Variants in TAFA1 observed in about 807,000 individuals in gnomAD.
The protein encoded by TAFA1 is TAFA chemokine like family member 1.
TAFA1 carries 4 observed loss-of-function variants against 18.5 expected under a neutral mutation model. The ratio of observed to expected loss-of-function variants is 0.22; its 90% CI spans 0.11 to 0.49. TAFA1 has a LOEUF of 0.49. Among genes scored for constraint, TAFA1 ranks in the 20% least tolerant of loss-of-function variants. TAFA1 has a pLI of 0.98. For missense variants in TAFA1, 147 were observed against 169.0 expected (o/e 0.87, Z 0.72); for synonymous variants, 56 against 55.2 (o/e 1.01, Z -0.06).
At chr3:68,260,136 T>G (rs1013170918) in intron 2 of TAFA1, among the ~76,000 whole-genome samples, 7 of 152,194 alleles carry the variant, frequency 4.6e-5, no homozygotes, top group Non-Finnish European at 8.8e-5. Flanking sequence ...TATTGAGAGT[T>G]TTTAGCATGA....
intron 2 of TAFA1, among the ~76,000 whole-genome samples, chr3:68,205,246 G>C (rs1009041060): frequency 6.6e-6 from 1 of 151,808 alleles, no homozygotes; most frequent in East Asian, 1.9e-4. Context: ...ACTCTTAGTC[G>C]ATAAACCCAT....
chr3:68,509,565 G>T (rs920635761), intron 3 of TAFA1, among the ~76,000 whole-genome samples: 1 of 152,080 alleles, frequency 6.6e-6, no homozygotes, highest in African/African-American at 2.4e-5. Context: ...ATGCTTATGG[G>T]CAAGGACTAG....
intron 3 of TAFA1, among the ~76,000 whole-genome samples, chr3:68,427,244 T>C (rs1317205578): frequency 1.3e-5 from 2 of 151,954 alleles, no homozygotes; most frequent in South Asian, 2.1e-4. Context: ...TCTGATATGA[T>C]AGCACTTTTC....
At chr3:68,217,764 G>C (rs868765756) in intron 2 of TAFA1, among the ~76,000 whole-genome samples, 1 of 151,696 alleles carries the variant, frequency 6.6e-6, no homozygotes, top group Non-Finnish European at 1.5e-5. Context: ...TTAAGATAAC[G>C]TGTTTTTCAA....
intron 2 of TAFA1, among the ~76,000 whole-genome samples, chr3:68,333,138 A>C (rs2068910476): frequency 6.6e-6 from 1 of 152,184 alleles, no homozygotes; most frequent in Non-Finnish European, 1.5e-5. Context: ...TAGACTCAGA[A>C]ATCCTATTCT....
chr3:68,268,601 G>GGT, intron 2 of TAFA1, among the ~76,000 whole-genome samples: 1 of 152,140 alleles, frequency 6.6e-6, no homozygotes, highest in African/African-American at 2.4e-5. Context: ...AAGAATGGAT[G>GGT]AATAGTGGGT....
intron 2 of TAFA1, among the ~76,000 whole-genome samples, chr3:68,407,135 A>G: frequency 6.6e-6 from 1 of 152,148 alleles, no homozygotes; most frequent in Non-Finnish European, 1.5e-5. Context: ...GGAGTAGTCC[A>G]TACTGGTGAA....
intron 3 of TAFA1, among the ~76,000 whole-genome samples, chr3:68,481,421 C>A (rs183325673): frequency 6.6e-6 from 1 of 152,130 alleles, no homozygotes; most frequent in East Asian, 1.9e-4. Context: ...CTAATACAGA[C>A]CTTCATTCTC....
intron 2 of TAFA1, among the ~76,000 whole-genome samples, chr3:68,229,388 A>G (rs1201842959): frequency 6.6e-6 from 1 of 152,232 alleles, no homozygotes; most frequent in Non-Finnish European, 1.5e-5. Flanking sequence ...AACAGAAAAA[A>G]TACCTGCTGC....
chr3:68,322,514 A>G (rs937521288), intron 2 of TAFA1, among the ~76,000 whole-genome samples: 1 of 152,108 alleles, frequency 6.6e-6, no homozygotes. Context: ...GTCTTGCCCA[A>G]CCAAGTTTAG....
intron 2 of TAFA1, among the ~76,000 whole-genome samples, chr3:68,375,851 T>C (rs1388871230): frequency 6.6e-6 from 1 of 152,158 alleles, no homozygotes; most frequent in Non-Finnish European, 1.5e-5. Context: ...TAATATACAA[T>C]GGAGGGGAAA....
At chr3:68,375,402 G>A (rs1012152104) in intron 2 of TAFA1, among the ~76,000 whole-genome samples, 5 of 152,004 alleles carry the variant, frequency 3.3e-5, no homozygotes, top group Non-Finnish European at 4.4e-5. Flanking sequence ...AAGCATATTC[G>A]GAGTCATTCA....
rs1177754145 is a variant in TAFA1, at chr3:68,165,179, T to A, written c.118+158435T>A. On this transcript the variant is annotated intron_variant, in intron 2 of 4. Transcript: ENST00000478136. ...GCTGGAATTTTAGAATCTCACCTTC[T>A]ATCTGATGAGTGACTCTCTGTATCA... Among the ~76,000 whole-genome samples the A allele has an allele frequency of 2.0e-5, 3 of 152,234 alleles. No individual in the cohort carries two copies. In the East Asian group the frequency reaches 5.8e-4, roughly 29 times the overall value.
chr3:67,993,469 A>G, the TAFA1 span, among the ~76,000 whole-genome samples: 5 of 152,226 alleles, frequency 3.3e-5, no homozygotes, highest in Non-Finnish European at 1.5e-5. Context: ...AAACTTTACA[A>G]AAGCTAATAA....
At chr3:68,469,436 A>T (rs966911449) in intron 3 of TAFA1, among the ~76,000 whole-genome samples, 3 of 152,096 alleles carry the variant, frequency 2.0e-5, no homozygotes, top group African/African-American at 7.2e-5. Flanking sequence ...GCACTTTGGG[A>T]GGCCAAAGCG....
chr3:68,277,273 A>C (rs2067815019), intron 2 of TAFA1, among the ~76,000 whole-genome samples: 1 of 152,188 alleles, frequency 6.6e-6, no homozygotes, highest in South Asian at 2.1e-4. Context: ...GAAAAACATT[A>C]ACTTAAACGT....
intron 2 of TAFA1, among the ~76,000 whole-genome samples, chr3:68,360,681 T>A (rs1027674587): frequency 1.3e-5 from 2 of 151,982 alleles, no homozygotes; most frequent in Admixed American, 6.6e-5. Flanking sequence ...TGACACATGT[T>A]TCTATTTAAA....
At chr3:68,179,367 A>T (rs1330444591) in intron 2 of TAFA1, among the ~76,000 whole-genome samples, 1 of 152,236 alleles carries the variant, frequency 6.6e-6, no homozygotes, top group Non-Finnish European at 1.5e-5. Context: ...TAAGTGCACA[A>T]GTATTACAGA....
At chr3:67,995,229 AG>A in the TAFA1 span, among the ~76,000 whole-genome samples, 1 of 152,218 alleles carries the variant, frequency 6.6e-6, no homozygotes, top group African/African-American at 2.4e-5. Context: ...GGGTTGCCAT[AG>A]TGACCAGAGG....
Sources: gnomAD v4.1 joint callset for allele counts (sites outside exome capture counted in the v4.1 genomes callset) on GRCh38, gnomAD v4.1.1 for gene constraint, MANE v1.5 for transcripts, NCBI Gene and HGNC (gene_info 2026-07-23, HGNC 2026-07-21) for gene names.